WDR49: variants seen among roughly 807,000 people sequenced by gnomAD.
WDR49 encodes cilia- and flagella-associated protein 337.
A neutral mutation model predicts 119.5 loss-of-function variants in WDR49; 107 were observed. The observed-to-expected ratio is 0.90, with a 90% confidence interval of 0.77 to 1.05. The LOEUF (loss-of-function observed/expected upper bound fraction) is 1.05, where lower values mean the gene tolerates loss of function less well. WDR49 is among the 50% of genes least tolerant of loss of function. The pLI, the probability that WDR49 is intolerant of heterozygous loss-of-function variation, is 0.00. For synonymous variants in WDR49, 425 were observed against 418.8 expected (o/e 1.01, Z -0.18); for missense variants, 1,240 against 1,220.5 (o/e 1.02, Z -0.24).
intron 13 of WDR49, 90 bp from the exon 14 acceptor site, chr3:167,529,329 G>T: frequency 8.1e-7 from 1 of 1,229,050 alleles, no homozygotes; most frequent in Non-Finnish European, 1.1e-6. Context: ...GAAAGCATGT[G>T]ATGTTGAAGA....
At chr3:167,497,892 T>G (rs868191746) in intron 18 of WDR49, among the ~76,000 whole-genome samples, 2 of 151,316 alleles carry the variant, frequency 1.3e-5, no homozygotes, top group African/African-American at 4.9e-5. Context: ...TTTTTTTTTT[T>G]CAACAGGCTA....
rs545999932 is a variant in WDR49, at chr3:167,505,693, T to A, written c.2775-277A>T. On this transcript the variant is annotated intron_variant, in intron 16 of 18. Coordinates refer to ENST00000682715, the MANE Select transcript of WDR49 (RefSeq NM_001366157.1). ...CATAGCAACAAGGTTAGAGAAAAAA[T>A]TATTTAGAAGAAAATTTTACAGAAA... Among the ~76,000 whole-genome samples, 811 of 152,222 alleles carry A rather than the reference T, an allele frequency of 5.3e-3. 5 individuals are homozygous for A. The highest frequency in any genetic ancestry group is 0.01 in the Middle Eastern group (3 of 294).
At chr3:167,585,500 A>C (rs1445266868) in intron 7 of WDR49, among the ~76,000 whole-genome samples, 1 of 151,924 alleles carries the variant, frequency 6.6e-6, no homozygotes, top group Non-Finnish European at 1.5e-5. Flanking sequence ...TTAAGTAGTT[A>C]AATTATGGCC....
At chr3:167,516,249 C>G (rs1752196625) in intron 16 of WDR49, among the ~76,000 whole-genome samples, 1 of 125,736 alleles carries the variant, frequency 8.0e-6, no homozygotes, top group African/African-American at 2.9e-5. Context: ...TCCCTCCACC[C>G]TCCCCCCACC....
chr3:167,485,738 C>G (rs753974311), intron 18 of WDR49, among the ~76,000 whole-genome samples: 14 of 152,074 alleles, frequency 9.2e-5, no homozygotes, highest in Non-Finnish European at 1.3e-4. Flanking sequence ...AACAAAACCT[C>G]TGAAAACTAT....
At chr3:167,601,564 GTGT>G (rs1465771852) in intron 7 of WDR49, among the ~76,000 whole-genome samples, 3 of 151,082 alleles carry the variant, frequency 2.0e-5, no homozygotes, top group Non-Finnish European at 4.4e-5. Flanking sequence ...GTAATAAATA[GTGT>G]TGTCAGGATT....
chr3:167,596,759 T>C (rs1322081044), intron 7 of WDR49, among the ~76,000 whole-genome samples: 1 of 147,232 alleles, frequency 6.8e-6, no homozygotes, highest in Non-Finnish European at 1.5e-5. Flanking sequence ...CTGGGAGATA[T>C]ACCTAATGCT....
At chr3:167,520,906 G>A (rs1472340469) in intron 16 of WDR49, among the ~76,000 whole-genome samples, 2 of 152,030 alleles carry the variant, frequency 1.3e-5, no homozygotes, top group Admixed American at 1.3e-4. Flanking sequence ...TGTGTGAATT[G>A]AGACCCACTC....
At chr3:167,545,904 T>C (rs1213792280) in intron 10 of WDR49, among the ~76,000 whole-genome samples, 1 of 78,290 alleles carries the variant, frequency 1.3e-5, no homozygotes, top group African/African-American at 4.6e-5. Context: ...GTAATATTAA[T>C]ATATTATTTT....
At chr3:167,636,232 G>A (rs550278695) in intron 2 of WDR49, among the ~76,000 whole-genome samples, 3 of 150,558 alleles carry the variant, frequency 2.0e-5, no homozygotes, top group African/African-American at 7.3e-5. Flanking sequence ...TTCTATTCCT[G>A]AGTTACTTCA....
intron 18 of WDR49, among the ~76,000 whole-genome samples, chr3:167,495,883 G>GAAAAA: frequency 8.4e-5 from 6 of 71,220 alleles, no homozygotes; most frequent in South Asian, 7.8e-4. Context: ...TTAAAAATTT[G>GAAAAA]AAAAAAAAAA....
intron 10 of WDR49, among the ~76,000 whole-genome samples, chr3:167,544,452 T>C (rs1340079252): frequency 2.6e-5 from 4 of 151,256 alleles, no homozygotes; most frequent in Non-Finnish European, 5.9e-5. Context: ...GGATGTTACA[T>C]AGAGCAGTGG....
chr3:167,524,396 G>A (rs1752561347), intron 15 of WDR49, among the ~76,000 whole-genome samples: 2 of 152,072 alleles, frequency 1.3e-5, no homozygotes, highest in African/African-American at 4.8e-5. Context: ...CTGTGCAGAA[G>A]CTTTTTAGCT....
rs1396266485 is a variant in WDR49 at position 167,596,190 on chromosome 3, G to C, written c.1275+5937C>G. Among the ~76,000 whole-genome samples the C allele has an allele frequency of 7.2e-5, 11 of 152,110 alleles. No homozygotes were observed. The South Asian group carries it at 2.1e-3, about 29-fold the overall frequency. On this transcript the variant is annotated intron_variant, in intron 7 of 18. Coordinates refer to ENST00000682715, the MANE Select transcript of WDR49 (RefSeq NM_001366157.1). ...GTGAGATACCATCTCACACCAGTTA[G>C]AATGGCAATCATTAAAATGTCAGGA...
intron 5 of WDR49, among the ~76,000 whole-genome samples, chr3:167,611,834 A>G (rs901329897): frequency 3.3e-5 from 5 of 152,226 alleles, no homozygotes; most frequent in African/African-American, 1.2e-4. Flanking sequence ...ACTTTGATAC[A>G]TAAGGTAAAT....
At chr3:167,514,976 T>C (rs1345043031) in intron 16 of WDR49, among the ~76,000 whole-genome samples, 3 of 152,064 alleles carry the variant, frequency 2.0e-5, no homozygotes, top group African/African-American at 7.2e-5. Context: ...AGTTTTGAAA[T>C]TGAGGTAGTA....
At chr3:167,621,343 A>G (rs963670030) in intron 4 of WDR49, 124 bp downstream of exon 4, 5 of 979,578 alleles carry the variant, frequency 5.1e-6, no homozygotes, top group East Asian at 5.6e-5. Flanking sequence ...TCCATGTCCA[A>G]TGTGCATGTA....
intron 7 of WDR49, among the ~76,000 whole-genome samples, chr3:167,579,632 G>T (rs759278752): frequency 6.6e-6 from 1 of 151,888 alleles, no homozygotes; most frequent in Non-Finnish European, 1.5e-5. Context: ...TTTTATTAAA[G>T]AACTCATTCT....
chr3:167,555,025 A>G (rs1310222829), intron 9 of WDR49, among the ~76,000 whole-genome samples: 1 of 152,178 alleles, frequency 6.6e-6, no homozygotes, highest in African/African-American at 2.4e-5. Flanking sequence ...TAATGATAAG[A>G]TAGTATTTAG....
Sources: gnomAD v4.1 joint callset for allele counts (sites outside exome capture counted in the v4.1 genomes callset) on GRCh38, gnomAD v4.1.1 for gene constraint, MANE v1.5 for transcripts, NCBI Gene and HGNC (gene_info 2026-07-23, HGNC 2026-07-21) for gene names.